Variants in VAMP4 observed in about 807,000 individuals in gnomAD.
VAMP4 encodes vesicle associated membrane protein 4.
A neutral mutation model predicts 23.5 loss-of-function variants in VAMP4; 19 were observed. The ratio of observed to expected loss-of-function variants is 0.81; its 90% CI spans 0.56 to 1.19. VAMP4 has a LOEUF of 1.19. Ranked by LOEUF, VAMP4 falls within the 50% of genes most tolerant of loss-of-function variation. VAMP4 has a pLI of 0.00. For missense variants in VAMP4, 145 were observed against 168.6 expected (o/e 0.86, Z 0.78); for synonymous variants, 31 against 51.0 (o/e 0.61, Z 1.67).
intron 4 of VAMP4, among the ~76,000 whole-genome samples, chr1:171,712,644 C>A (rs1053490703): frequency 6.6e-6 from 1 of 152,194 alleles, no homozygotes; most frequent in Non-Finnish European, 1.5e-5. Flanking sequence ...GCAGAATTCT[C>A]TTCTGCCCAA....
intron 4 of VAMP4, among the ~76,000 whole-genome samples, 154 bp from the exon 5 acceptor site, chr1:171,710,968 T>C (rs1351103037): frequency 1.3e-5 from 2 of 152,126 alleles, no homozygotes; most frequent in Admixed American, 6.6e-5. Flanking sequence ...TGTTCTTCCA[T>C]TTGTGGGCTT....
Position 171,723,934 on chromosome 1 carries a change from C to T in VAMP4, c.113+4590G>A, listed in dbSNP as rs768381691. On this transcript the variant is annotated intron_variant, in intron 3 of 7. Transcript: ENST00000236192. Reference sequence around the variant, plus strand: ...TGAAATCTTCACAATTTATGCTCTTCTGCCATGGCTTCAGCCAGTCCCTCC... The same window carrying T: ...TGAAATCTTCACAATTTATGCTCTTTTGCCATGGCTTCAGCCAGTCCCTCC... 4.3e-4 allele frequency among the ~76,000 whole-genome samples: 65 copies of T among 152,202 alleles called. 1 individual carries two copies. Among genetic ancestry groups the T allele is most frequent in the Non-Finnish European group, 5.1e-4 (35 of 68,040 alleles).
At chr1:171,725,211 A>G (rs985283841) in intron 3 of VAMP4, among the ~76,000 whole-genome samples, 1 of 152,222 alleles carries the variant, frequency 6.6e-6, no homozygotes, top group African/African-American at 2.4e-5. Context: ...TCTTTTACTT[A>G]TCATAAAGTC....
intron 2 of VAMP4, among the ~76,000 whole-genome samples, chr1:171,734,728 T>C (rs1655683520): frequency 6.6e-6 from 1 of 152,176 alleles, no homozygotes; most frequent in African/African-American, 2.4e-5. Context: ...CTTCATAATA[T>C]AATAAACATC....
At position 171,703,447 on chromosome 1, in the gene VAMP4, A is replaced by ATATATATATG. The variant is rs1282649618; in HGVS notation, c.*1058_*1059insCATATATATA. 6 of 99,328 alleles carry ATATATATATG rather than the reference A, an allele frequency of 6.0e-5. No individual in the cohort carries two copies. The highest frequency in any genetic ancestry group is 2.2e-4 in the African/African-American group (6 of 27,494). 6.2% of individuals were successfully genotyped at this position (99,328 alleles called of 1,614,324 possible). On this transcript the variant is annotated 3_prime_UTR_variant, in exon 8 of 8. Transcript: ENST00000236192. ...TGTGTATATATATATATATATATAT[A>ATATATATATG]TATATATATATATATATATATACAC...
intron 2 of VAMP4, among the ~76,000 whole-genome samples, chr1:171,731,394 T>C (rs1423926409): frequency 6.6e-6 from 1 of 151,746 alleles, no homozygotes; most frequent in Non-Finnish European, 1.5e-5. Context: ...TGTGCACACG[T>C]ACCCTAAAAC....
chr1:171,741,541 A>T (rs547140871), intron 1 of VAMP4, among the ~76,000 whole-genome samples: 1 of 121,460 alleles, frequency 8.2e-6, no homozygotes, highest in Non-Finnish European at 1.7e-5. Context: ...GCCACGTCCC[A>T]CGATATATCT....
chr1:171,730,571 A>T (rs1655528317), intron 2 of VAMP4, among the ~76,000 whole-genome samples: 1 of 152,104 alleles, frequency 6.6e-6, no homozygotes, highest in South Asian at 2.1e-4. Context: ...GGAAGGGGGA[A>T]CAGGACTAGA....
intron 6 of VAMP4, among the ~76,000 whole-genome samples, chr1:171,708,007 T>C (rs879037619): frequency 2.0e-5 from 3 of 152,158 alleles, no homozygotes; most frequent in Admixed American, 6.6e-5. Context: ...TCTATAGATA[T>C]AGAAGCTTTA....
At chr1:171,715,262 T>C (rs1049044222) in intron 4 of VAMP4, among the ~76,000 whole-genome samples, 3 of 152,188 alleles carry the variant, frequency 2.0e-5, no homozygotes, top group Non-Finnish European at 2.9e-5. Context: ...TTTTATATCA[T>C]GGCCAGTTAA....
chr1:171,727,522 G>A (rs1346179171), intron 3 of VAMP4, among the ~76,000 whole-genome samples: 1 of 152,162 alleles, frequency 6.6e-6, no homozygotes, highest in Non-Finnish European at 1.5e-5. Context: ...CAATGCTGGT[G>A]ACAATATAAA....
At chr1:171,712,144 A>G (rs1290024158) in intron 4 of VAMP4, among the ~76,000 whole-genome samples, 2 of 152,154 alleles carry the variant, frequency 1.3e-5, no homozygotes, top group Admixed American at 6.6e-5. Flanking sequence ...TTAAGGGTCC[A>G]TGATGGTTAT....
intron 3 of VAMP4, among the ~76,000 whole-genome samples, chr1:171,725,248 A>T (rs1411960118): frequency 6.6e-6 from 1 of 152,206 alleles, no homozygotes; most frequent in Non-Finnish European, 1.5e-5. Context: ...GTTTTAGCAT[A>T]TGTCAGAATT....
intron 2 of VAMP4, among the ~76,000 whole-genome samples, chr1:171,732,984 T>C (rs1034043146): frequency 2.0e-5 from 3 of 151,904 alleles, no homozygotes; most frequent in Non-Finnish European, 4.4e-5. Context: ...AGAGACATTA[T>C]AGAAAAACAA....
At chr1:171,714,243 T>C (rs939987118) in intron 4 of VAMP4, among the ~76,000 whole-genome samples, 9 of 152,204 alleles carry the variant, frequency 5.9e-5, no homozygotes, top group Non-Finnish European at 1.5e-5. Context: ...ACAAAGCAAG[T>C]GATAACATAC....
Position 171,700,981 on chromosome 1 carries a change from G to GA in VAMP4, c.*3524dup, listed in dbSNP as rs1034947398. ...CCCTAATTCTACTTGGTTTCCAGAAGAAAAAAAAAATCAGAATAAGACTAT... is the reference window on the plus strand; with the variant it reads ...CCCTAATTCTACTTGGTTTCCAGAAGAAAAAAAAAAATCAGAATAAGACTAT... On this transcript the variant is annotated 3_prime_UTR_variant, in exon 8 of 8. Coordinates refer to ENST00000236192, the MANE Select transcript of VAMP4 (RefSeq NM_003762.5). 5.7e-3 allele frequency: 842 copies of GA among 146,858 alleles called. 2 individuals are homozygous for GA. The highest frequency in any genetic ancestry group is 0.028 in the Middle Eastern group (8 of 290). 9.1% of individuals were successfully genotyped at this position (146,858 alleles called of 1,614,324 possible). A position where few individuals can be genotyped will look rare whatever the true frequency, so the allele number is the denominator to read the frequency against.
In VAMP4 at chr1:171,703,194, G is replaced by A. The variant is rs944008393; in HGVS notation, c.*1312C>T. 2.6e-5 allele frequency: 4 copies of A among 151,256 alleles called. No individual in the cohort carries two copies. Among genetic ancestry groups the A allele is most frequent in the African/African-American group, 7.3e-5 (3 of 41,240 alleles). 9.4% of individuals were successfully genotyped at this position (151,256 alleles called of 1,614,324 possible). ...CAAGATATCCAGTGCACAAGTTTCT[G>A]CAGAATCACTAATTTTATTATAAAG... On this transcript the variant is annotated 3_prime_UTR_variant, in exon 8 of 8. Transcript: ENST00000236192.
chr1:171,703,436 T>TAC lies in VAMP4; in HGVS notation c.*1069_*1070insGT, dbSNP rs1187827914. On this transcript the variant is annotated 3_prime_UTR_variant, in exon 8 of 8. Coordinates refer to ENST00000236192, the MANE Select transcript of VAMP4 (RefSeq NM_003762.5). ...GTGTGTGTTTGTGTGTATATATATATATATATATATATATATATATATATA... is the reference window on the plus strand; with the variant it reads ...GTGTGTGTTTGTGTGTATATATATATACATATATATATATATATATATATATA... 2 of 59,078 alleles carry TAC rather than the reference T, an allele frequency of 3.4e-5. No homozygotes were observed. Among genetic ancestry groups the TAC allele is most frequent in the Admixed American group, 1.5e-4 (1 of 6,558 alleles). 3.7% of individuals were successfully genotyped at this position (59,078 alleles called of 1,614,324 possible). A position where few individuals can be genotyped will look rare whatever the true frequency, so the allele number is the denominator to read the frequency against.
chr1:171,728,080 G>A (rs553834634), intron 3 of VAMP4, among the ~76,000 whole-genome samples: 6 of 152,204 alleles, frequency 3.9e-5, no homozygotes, highest in South Asian at 2.1e-4. Context: ...GGTCAACTGC[G>A]GTCTGAAAAT....
Sources: allele counts gnomAD v4.1 joint callset (sites outside exome capture counted in the v4.1 genomes callset), GRCh38; gene constraint gnomAD v4.1.1; transcripts MANE v1.5; gene names NCBI Gene and HGNC (gene_info 2026-07-23, HGNC 2026-07-21).